Variants in TSHZ3 observed in about 807,000 individuals in gnomAD.
TSHZ3 encodes the protein teashirt homolog 3.
In TSHZ3, 10 loss-of-function variants were observed where a neutral mutation model predicts 64.5. That is an observed-to-expected ratio of 0.16 (90% CI 0.10 to 0.26). TSHZ3 has a LOEUF of 0.26. Among genes scored for constraint, TSHZ3 ranks in the 10% least tolerant of loss-of-function variants. The probability of loss-of-function intolerance (pLI) is 1.00; values close to 1 mark genes in which losing one functional copy is unlikely to be tolerated. For missense variants in TSHZ3, 1,242 were observed against 1,421.7 expected (o/e 0.87, Z 2.03); for synonymous variants, 608 against 593.1 (o/e 1.03, Z -0.36).
intron 1 of TSHZ3, among the ~76,000 whole-genome samples, chr19:31,337,667 C>A (rs1917290553): frequency 6.6e-6 from 1 of 151,912 alleles, no homozygotes; most frequent in South Asian, 2.1e-4. Context: ...AATTCTAAGT[C>A]ATGCTGAATG....
rs1976332279 is a variant in TSHZ3, at chr19:31,279,895, C to T, written c.41-143G>A. 5.3e-6 allele frequency: 3 copies of T among 571,340 alleles called. No homozygotes were observed. The highest frequency in any genetic ancestry group is 3.8e-5 in the Admixed American group (1 of 26,492). 35.4% of individuals were successfully genotyped at this position (571,340 alleles called of 1,614,324 possible). A position where few individuals can be genotyped will look rare whatever the true frequency, so the allele number is the denominator to read the frequency against. ...CTGGGCTCTCAGGAAAACACAGCAA[C>T]CCAGATGGGTACATGTATTTGTAAA... On this transcript the variant is annotated intron_variant, in intron 1 of 1. Transcript: ENST00000240587. The surrounding 1 kb of genome is among the most constrained non-coding windows in gnomAD (Gnocchi z 6.4).
intron 1 of TSHZ3, among the ~76,000 whole-genome samples, chr19:31,293,918 C>T (rs1976618597): frequency 6.6e-6 from 1 of 152,184 alleles, no homozygotes; most frequent in African/African-American, 2.4e-5. Context: ...GAAGTTTCCA[C>T]CACCTTCCTC....
At chr19:31,259,198 T>A (rs528187620) in intron 1 of TSHZ3, among the ~76,000 whole-genome samples, 1 of 152,348 alleles carries the variant, frequency 6.6e-6, no homozygotes, top group African/African-American at 2.4e-5. Flanking sequence ...AATCAGGCTA[T>A]TAGACAAGTG....
At position 31,278,951 on chromosome 19, in the gene TSHZ3, C is replaced by T. The variant is rs746061219; in HGVS notation, c.842G>A (p.Gly281Asp). 4 of 1,614,146 alleles carry T rather than the reference C, an allele frequency of 2.5e-6. No homozygotes were observed. The highest frequency in any genetic ancestry group is 1.1e-5 in the South Asian group (1 of 91,084). The change falls in exon 2 of 2, where the codon GGC (glycine) becomes GAC (aspartate). Residue 281 changes from glycine to aspartate, a missense_variant. Gly to Asp is a moderately conservative substitution (Grantham distance 94). Coordinates refer to ENST00000240587, the MANE Select transcript of TSHZ3 (RefSeq NM_020856.4). This position sits in a 1 kb window ranked among gnomAD's most constrained non-coding sequence, Gnocchi z 4.7. ...ATCCTGCAGGGACTCAAAGGAGTGGCCACAGTACATGCACTTCAGCACCTT... is the reference window on the plus strand; with the variant it reads ...ATCCTGCAGGGACTCAAAGGAGTGGTCACAGTACATGCACTTCAGCACCTT... The part of the protein sequence containing the change: ...AQKVLKCMYC[G>D]HSFESLQDLS...
chr19:31,349,390 C>CCCGCG lies in TSHZ3; in HGVS notation c.-176_-172dup, dbSNP rs2021631785. On this transcript the variant is annotated 5_prime_UTR_variant, in exon 1 of 2. Transcript: ENST00000240587. ...CTGCGCCCAGGCTCTCCGCGTCCCC[C>CCCGCG]CCGCGCCGCGCTCCGCCGCGAACCC... 1 of 484,044 alleles carries CCCGCG rather than the reference C, an allele frequency of 2.1e-6. No homozygotes were observed. The highest frequency in any genetic ancestry group is 2.0e-5 in the African/African-American group (1 of 48,878). The allele number at this position is 484,044 out of a possible 1,614,324, so 30.0% of individuals were successfully genotyped here.
At chr19:31,179,513 G>C (rs896518160) in intron 5 of TSHZ3, among the ~76,000 whole-genome samples, 3 of 152,234 alleles carry the variant, frequency 2.0e-5, no homozygotes, top group African/African-American at 7.2e-5. Context: ...ATAGAAAGTA[G>C]ATTTGGAGGG....
chr19:31,170,538 C>A (rs144924824), intron 5 of TSHZ3, among the ~76,000 whole-genome samples: 463 of 152,300 alleles, frequency 3.0e-3, no homozygotes, highest in Non-Finnish European at 5.0e-3. Context: ...AAGAGAGCAT[C>A]CCACATCTAC....
intron 5 of TSHZ3, among the ~76,000 whole-genome samples, chr19:31,172,508 G>A (rs961911479): frequency 6.6e-6 from 1 of 152,180 alleles, no homozygotes; most frequent in Non-Finnish European, 1.5e-5. Context: ...GAAATGCACA[G>A]GCAAGTGTTC....
At chr19:31,331,183 C>A (rs750877739) in intron 1 of TSHZ3, among the ~76,000 whole-genome samples, 2 of 152,072 alleles carry the variant, frequency 1.3e-5, no homozygotes, top group South Asian at 4.1e-4. Context: ...TCAGAGGGCA[C>A]GCGGGGAATG....
intron 1 of TSHZ3, among the ~76,000 whole-genome samples, chr19:31,289,464 A>G (rs1976524168): frequency 6.6e-6 from 1 of 152,216 alleles, no homozygotes; most frequent in Admixed American, 6.5e-5. Flanking sequence ...GAGGCAAGGA[A>G]GGAAGAGATG....
chr19:31,216,544 G>A (rs1330691296), intron 4 of TSHZ3, among the ~76,000 whole-genome samples: 3 of 151,962 alleles, frequency 2.0e-5, no homozygotes, highest in Non-Finnish European at 4.4e-5. Context: ...CACCTCCCTG[G>A]CTCAAGCAGT....
At chr19:31,202,347 T>C (rs1462340971) in intron 5 of TSHZ3, among the ~76,000 whole-genome samples, 1 of 152,200 alleles carries the variant, frequency 6.6e-6, no homozygotes, top group Non-Finnish European at 1.5e-5. Context: ...TATCGCTGTA[T>C]GTATATGTAT....
chr19:31,330,619 T>C (rs1599652815), intron 1 of TSHZ3, among the ~76,000 whole-genome samples: 1 of 151,688 alleles, frequency 6.6e-6, no homozygotes, highest in Non-Finnish European at 1.5e-5. Flanking sequence ...AAATGGAGGC[T>C]GTTGACCTGC....
At chr19:31,159,429 A>C (rs1018242353) in intron 5 of TSHZ3, among the ~76,000 whole-genome samples, 2 of 152,226 alleles carry the variant, frequency 1.3e-5, no homozygotes, top group African/African-American at 4.8e-5. Context: ...TGAAACAAAG[A>C]TTTTTGAACA....
intron 5 of TSHZ3, among the ~76,000 whole-genome samples, chr19:31,169,385 T>C (rs1423058916): frequency 1.3e-5 from 2 of 152,138 alleles, no homozygotes; most frequent in African/African-American, 4.8e-5. Context: ...CATTGGTAGA[T>C]GAATAAATGA....
intron 5 of TSHZ3, among the ~76,000 whole-genome samples, chr19:31,171,282 C>A (rs1385990058): frequency 1.3e-5 from 2 of 152,096 alleles, no homozygotes; most frequent in African/African-American, 4.8e-5. Flanking sequence ...TAGATCACGT[C>A]GCTCCCTGCA....
intron 5 of TSHZ3, among the ~76,000 whole-genome samples, chr19:31,157,736 C>T (rs1438505520): frequency 2.0e-5 from 3 of 152,104 alleles, no homozygotes; most frequent in Admixed American, 1.3e-4. Context: ...TATGGGAGGG[C>T]CCAAGGAGAA....
intron 6 of TSHZ3, among the ~76,000 whole-genome samples, chr19:31,155,903 A>G (rs911988964): frequency 6.6e-6 from 1 of 152,200 alleles, no homozygotes. Context: ...TCCCTTAGTG[A>G]CACCATTGGG....
At chr19:31,331,834 G>A (rs1917105102) in intron 1 of TSHZ3, among the ~76,000 whole-genome samples, 1 of 152,168 alleles carries the variant, frequency 6.6e-6, no homozygotes, top group South Asian at 2.1e-4. Flanking sequence ...GTAAGGAGGG[G>A]TGGCTGCTTC....
Sources: allele counts gnomAD v4.1 joint callset (sites outside exome capture counted in the v4.1 genomes callset), GRCh38; gene constraint gnomAD v4.1.1; non-coding constraint Gnocchi (gnomAD v3.1); transcripts MANE v1.5; gene names NCBI Gene and HGNC (gene_info 2026-07-23, HGNC 2026-07-21).